AHCTF1: variants seen among roughly 807,000 people sequenced by gnomAD.
The protein encoded by AHCTF1 is protein ELYS.
A neutral mutation model predicts 248.4 loss-of-function variants in AHCTF1; 24 were observed. The observed-to-expected ratio is 0.10, with a 90% CI of 0.07 to 0.14. The LOEUF (loss-of-function observed/expected upper bound fraction) is 0.14. AHCTF1 is among the 10% of genes least tolerant of loss of function. The probability of loss-of-function intolerance (pLI) is 1.00; values close to 1 mark genes in which losing one functional copy is unlikely to be tolerated. For synonymous variants in AHCTF1, 786 were observed against 929.8 expected, an observed-to-expected ratio of 0.85 and a Z score of 2.81; for missense variants, 2,206 against 2,636.2, an observed-to-expected ratio of 0.84 and a Z score of 3.57.
chr1:246,869,133 A>C (rs1779980), intron 24 of AHCTF1, among the ~76,000 whole-genome samples: 3 of 151,682 alleles, frequency 2.0e-5, no homozygotes, highest in East Asian at 3.9e-4. Flanking sequence ...GTGAGCCACC[A>C]CGCCCGGCCG....
At position 246,887,179 on chromosome 1, in the gene AHCTF1, T is replaced by A. The variant is rs761194849; in HGVS notation, c.2472+32A>T. 8 of 1,561,658 alleles carry A rather than the reference T, an allele frequency of 5.1e-6. No homozygotes were observed. In the Admixed American group the frequency reaches 1.3e-4, roughly 25 times the overall value. On this transcript the variant is annotated intron_variant, in intron 20 of 35. Transcript: ENST00000648844. Reference sequence around the variant, plus strand: ...TATTTTCTAAAATTCTAGTAATTCATGAAAGTTTATGCTGTAAGTGAATAG... The same window carrying A: ...TATTTTCTAAAATTCTAGTAATTCAAGAAAGTTTATGCTGTAAGTGAATAG...
intron 14 of AHCTF1, among the ~76,000 whole-genome samples, 190 bp from the exon 15 acceptor site, chr1:246,892,109 A>G (rs1664245616): frequency 6.6e-6 from 1 of 152,142 alleles, no homozygotes; most frequent in African/African-American, 2.4e-5. Flanking sequence ...AAAACTAGCA[A>G]AAGCCAAGAG....
At chr1:246,900,709 C>T (rs1664933465) in intron 8 of AHCTF1, among the ~76,000 whole-genome samples, 1 of 152,220 alleles carries the variant, frequency 6.6e-6, no homozygotes, top group South Asian at 2.1e-4. Flanking sequence ...TATATCCTTG[C>T]TTGTTTTCAG....
In AHCTF1 at chr1:246,867,291, C is replaced by T. The variant is rs749533245; in HGVS notation, c.3300G>A (p.Glu1100=). 1.2e-6 allele frequency: 2 copies of T among 1,603,520 alleles called. No individual in the cohort carries two copies. The highest frequency in any genetic ancestry group is 4.5e-5 in the East Asian group (2 of 44,624). The stretch of plus-strand genomic sequence containing the variant: ...TTGAAATTGGTGTTCCAAAAAATGC[C>T]TCAGGCAGCTCTGGAGCTGGGAGCG... ...VYSLPAPELP[E]AFFGTPISKA... Residue 1100 remains glutamate, a synonymous_variant, in exon 26 of 36, where the codon GAG becomes GAA. Coordinates refer to ENST00000648844, the MANE Select transcript of AHCTF1 (RefSeq NM_001323342.2).
chr1:246,867,883 A>ATGAT, intron 24 of AHCTF1, 72 bp from the exon 25 acceptor site: 1 of 980,596 alleles, frequency 1.0e-6, no homozygotes, highest in Non-Finnish European at 1.4e-6. Context: ...ATATGAAAGA[A>ATGAT]TGATTACACC....
Position 246,850,779 on chromosome 1 carries a change from C to A in AHCTF1, c.5227G>T (p.Gly1743Cys). ...ACATTCACGTTTTGGATACGTTGAC[C>A]TCTCGTACGAGTTTTGGAGGAAACC... ...DVVSSKTRTR[G>C]QRIQNVNVKS... is the part of the protein sequence containing the mutation. Residue 1743 changes from glycine (G) to cysteine (C), a missense_variant, in exon 33 of 36, where the codon GGT becomes TGT. Physicochemically the swap from Gly to Cys is radical, Grantham distance 159 (BLOSUM62 -3). Around this residue, in one of 6 missense-constraint regions of AHCTF1, gnomAD observed 955 missense variants for 1,055.6 expected, o/e 0.90. Transcript: ENST00000648844. The A allele has an allele frequency of 6.2e-7, 1 of 1,613,822 alleles. No homozygotes were observed. Among genetic ancestry groups the A allele is most frequent in the Non-Finnish European group, 8.5e-7 (1 of 1,179,824 alleles).
intron 2 of AHCTF1, among the ~76,000 whole-genome samples, chr1:246,918,015 A>C (rs1031229926): frequency 1.3e-5 from 2 of 152,128 alleles, no homozygotes; most frequent in African/African-American, 2.4e-5. Flanking sequence ...TAAGATACAA[A>C]ACACATGAGA....
intron 1 of AHCTF1, chr1:246,931,154 A>G: frequency 6.5e-7 from 1 of 1,550,152 alleles, no homozygotes; most frequent in South Asian, 1.2e-5. Flanking sequence ...GCGCATGTGG[A>G]ACACACGCCA....
At chr1:246,927,068 C>T (rs1189692534) in intron 1 of AHCTF1, among the ~76,000 whole-genome samples, 5 of 150,272 alleles carry the variant, frequency 3.3e-5, no homozygotes, top group Non-Finnish European at 7.4e-5. Flanking sequence ...GTCCCAGGTA[C>T]CCGGGAGGCT....
intron 1 of AHCTF1, among the ~76,000 whole-genome samples, chr1:246,922,808 CT>C (rs1206565577): frequency 2.7e-5 from 4 of 150,838 alleles, no homozygotes; most frequent in South Asian, 2.1e-4. Context: ...CGGTGAAACC[CT>C]GTCTCTACTA....
chr1:246,867,448 T>C, intron 25 of AHCTF1, 97 bp from the exon 26 acceptor site: 1 of 1,006,848 alleles, frequency 9.9e-7, no homozygotes, highest in South Asian at 1.7e-5. Context: ...CGTTTTACTT[T>C]GTACAGTTCT....
At chr1:246,901,395 G>A (rs1195145351) in intron 8 of AHCTF1, among the ~76,000 whole-genome samples, 12 of 152,090 alleles carry the variant, frequency 7.9e-5, no homozygotes, top group African/African-American at 2.9e-4. Flanking sequence ...CCAGCACTTG[G>A]GGAGGCCGAG....
chr1:246,929,079 G>C (rs150032385), intron 1 of AHCTF1, among the ~76,000 whole-genome samples: 3 of 152,126 alleles, frequency 2.0e-5, no homozygotes, highest in Non-Finnish European at 4.4e-5. Context: ...CATATGCTGT[G>C]AGATCCCAGT....
intron 19 of AHCTF1, among the ~76,000 whole-genome samples, chr1:246,887,785 T>C (rs1009857689): frequency 2.0e-5 from 3 of 152,198 alleles, no homozygotes; most frequent in African/African-American, 4.8e-5. Context: ...ACAAAGACTA[T>C]AGGACTCAAA....
At chr1:246,869,602 G>A (rs1025825634) in intron 24 of AHCTF1, among the ~76,000 whole-genome samples, 1 of 151,944 alleles carries the variant, frequency 6.6e-6, no homozygotes, top group Non-Finnish European at 1.5e-5. Flanking sequence ...TAAAAATGAT[G>A]GGAAATCTAC....
At chr1:246,857,488 T>A (rs1477189047) in intron 30 of AHCTF1, among the ~76,000 whole-genome samples, 4 of 152,202 alleles carry the variant, frequency 2.6e-5, no homozygotes, top group Non-Finnish European at 5.9e-5. Context: ...TTACCGTGTC[T>A]CTGTATATTT....
In AHCTF1 at chr1:246,839,532, T is replaced by C; in HGVS notation, c.*1274A>G. 1 of 985,834 alleles carries C rather than the reference T, an allele frequency of 1.0e-6. No homozygotes were observed. The highest frequency in any genetic ancestry group is 1.7e-5 in the African/African-American group (1 of 57,358). 61.1% of individuals were successfully genotyped at this position (985,834 alleles called of 1,614,324 possible). A position where few individuals can be genotyped will look rare whatever the true frequency, so the allele number is the denominator to read the frequency against. ...GGCAGCGTAACATCCATCACTAACC[T>C]GACTAAAAGGCCGCACTCGCACTGC... is the stretch of plus-strand genomic sequence containing the variant. On this transcript the variant is annotated 3_prime_UTR_variant, in exon 36 of 36. Transcript: ENST00000648844.
chr1:246,868,912 T>C (rs997265825), intron 24 of AHCTF1, among the ~76,000 whole-genome samples: 4 of 149,786 alleles, frequency 2.7e-5, no homozygotes, highest in Admixed American at 6.7e-5. Context: ...TGGTGTGATC[T>C]CGGCTCACTG....
rs569513818 is a variant in AHCTF1 at position 246,868,551 on chromosome 1, C to G, written c.3089-740G>C. 5.3e-5 allele frequency among the ~76,000 whole-genome samples: 8 copies of G among 151,094 alleles called. 1 individual carries two copies. The South Asian group carries it at 1.7e-3, about 32-fold the overall frequency. On this transcript the variant is annotated intron_variant, in intron 24 of 35. Transcript: ENST00000648844. ...ATAGAGGTGTGAGCCACCGGCCTGG[C>G]CTACATTTTGTTTCATTATAGCTAT...
Sources: gnomAD v4.1 joint callset for allele counts (sites outside exome capture counted in the v4.1 genomes callset) on GRCh38, gnomAD v4.1.1 for gene constraint, gnomAD v4.1.1 regional missense constraint, MANE v1.5 for transcripts, NCBI Gene and HGNC (gene_info 2026-07-23, HGNC 2026-07-21) for gene names.